The following FAM174B variants were observed in gnomAD, a reference collection of about 807,000 sequenced individuals.
FAM174B encodes membrane protein FAM174B.
A neutral mutation model predicts 10.9 loss-of-function variants in FAM174B; 12 were observed. The observed-to-expected ratio is 1.10, with a 90% confidence interval of 0.71 to 1.79. The LOEUF (loss-of-function observed/expected upper bound fraction) is 1.79, where lower values mean the gene tolerates loss of function less well. Among genes scored for constraint, FAM174B ranks in the 40% most tolerant of loss-of-function variants. The probability of loss-of-function intolerance (pLI) is 0.00; values close to 1 mark genes in which losing one functional copy is unlikely to be tolerated. For synonymous variants in FAM174B, 132 were observed against 115.8 expected (o/e 1.14, Z -0.90); for missense variants, 266 against 233.3 (o/e 1.14, Z -0.91).
intron 1 of FAM174B, among the ~76,000 whole-genome samples, chr15:92,637,268 G>A (rs531201090): frequency 5.3e-5 from 8 of 152,366 alleles, no homozygotes; most frequent in Admixed American, 2.6e-4. Flanking sequence ...CACTGGCCTT[G>A]AGGCCCAGAT....
Position 92,619,038 on chromosome 15 carries a change from A to AT in FAM174B, c.*417_*418insA. On this transcript the variant is annotated 3_prime_UTR_variant, in exon 3 of 3. Transcript: ENST00000327355. ...TAGATCCAGTAGAGAAGAATGTCGG[A>AT]AATTCTAAATACACAGTTGGACATC... 1 of 508,148 alleles carries AT rather than the reference A, an allele frequency of 2.0e-6. No homozygotes were observed. The highest frequency in any genetic ancestry group is 3.5e-6 in the Non-Finnish European group (1 of 289,492). The allele number at this position is 508,148 out of a possible 1,614,324, so 31.5% of individuals were successfully genotyped here.
In FAM174B at chr15:92,618,041, G is replaced by T. The variant is rs1026521966; in HGVS notation, c.*1415C>A. Reference sequence around the variant, plus strand: ...TCCCAACTCTTCTCAGAAAACTGAAGAACCGAAGATGGAGGTGAGTCAGGA... The same window carrying T: ...TCCCAACTCTTCTCAGAAAACTGAATAACCGAAGATGGAGGTGAGTCAGGA... On this transcript the variant is annotated 3_prime_UTR_variant, in exon 3 of 3. Coordinates refer to ENST00000327355, the MANE Select transcript of FAM174B (RefSeq NM_207446.3). The T allele has an allele frequency of 1.3e-4, 35 of 259,406 alleles. No individual in the cohort carries two copies. The highest frequency in any genetic ancestry group is 7.4e-4 in the African/African-American group (33 of 44,638). The allele number at this position is 259,406 out of a possible 1,614,324, so 16.1% of individuals were successfully genotyped here. A position where few individuals can be genotyped will look rare whatever the true frequency, so the allele number is the denominator to read the frequency against.
At chr15:92,635,437 G>A (rs558568915) in intron 1 of FAM174B, among the ~76,000 whole-genome samples, 23 of 152,254 alleles carry the variant, frequency 1.5e-4, no homozygotes, top group Admixed American at 3.3e-4. Flanking sequence ...ATCGAGACAC[G>A]TTCCCAGCTG....
At position 92,655,290 on chromosome 15, in the gene FAM174B, G is replaced by A; in HGVS notation, c.344+26C>T. 5 of 1,516,244 alleles carry A rather than the reference G, an allele frequency of 3.3e-6. No individual in the cohort carries two copies. The South Asian group carries it at 3.8e-5, about 11-fold the overall frequency. The allele number at this position is 1,516,244 out of a possible 1,614,324, so 93.9% of individuals were successfully genotyped here. On this transcript the variant is annotated intron_variant, in intron 1 of 2. Coordinates refer to ENST00000327355, the MANE Select transcript of FAM174B (RefSeq NM_207446.3). ...CGATGCCGCCCTGTCGGCCGGCGGG[G>A]GAAGGAAGAGGGCGGGAGGGCCCAC... is the stretch of plus-strand genomic sequence containing the variant.
chr15:92,620,814 CAAAAAAAAAAA>C (rs34607670), intron 2 of FAM174B, among the ~76,000 whole-genome samples: 1 of 71,388 alleles, frequency 1.4e-5, no homozygotes, highest in East Asian at 5.3e-4. Flanking sequence ...GACTCTGTCT[CAAAAAAAAAAA>C]AAAAAAAAAA....
intron 2 of FAM174B, among the ~76,000 whole-genome samples, chr15:92,620,272 A>C (rs2050710623): frequency 1.3e-5 from 2 of 152,098 alleles, no homozygotes; most frequent in Admixed American, 6.5e-5. Context: ...GCCGAGGCGG[A>C]TGGATCACAA....
chr15:92,618,043 A>C lies in FAM174B; in HGVS notation c.*1413T>G. The C allele has an allele frequency of 3.8e-6, 1 of 264,462 alleles. No individual in the cohort carries two copies. 16.4% of individuals were successfully genotyped at this position (264,462 alleles called of 1,614,324 possible). A position where few individuals can be genotyped will look rare whatever the true frequency, so the allele number is the denominator to read the frequency against. ...CCAACTCTTCTCAGAAAACTGAAGA[A>C]CCGAAGATGGAGGTGAGTCAGGAAA... is the stretch of plus-strand genomic sequence containing the variant. On this transcript the variant is annotated 3_prime_UTR_variant, in exon 3 of 3. Coordinates refer to ENST00000327355, the MANE Select transcript of FAM174B (RefSeq NM_207446.3).
intron 2 of FAM174B, among the ~76,000 whole-genome samples, chr15:92,628,727 C>T (rs2050770920): frequency 6.6e-6 from 1 of 152,092 alleles, no homozygotes; most frequent in African/African-American, 2.4e-5. Flanking sequence ...GATTCACTAA[C>T]AAACTGAGCT....
intron 1 of FAM174B, among the ~76,000 whole-genome samples, chr15:92,646,858 C>A (rs1411242783): frequency 6.6e-6 from 1 of 152,180 alleles, no homozygotes; most frequent in African/African-American, 2.4e-5. Context: ...ACTTATCCTG[C>A]CTTTCTGGAC....
At chr15:92,639,129 C>G (rs1397993750) in intron 1 of FAM174B, 1 of 152,322 alleles carries the variant, frequency 6.6e-6, no homozygotes, top group Non-Finnish European at 1.5e-5. Flanking sequence ...ATGAGCCCTT[C>G]ACACTCCAAC....
rs1186103314 is a variant in FAM174B at position 92,655,693 on chromosome 15, G to A, written c.-34C>T. 3 of 1,235,648 alleles carry A rather than the reference G, an allele frequency of 2.4e-6. No homozygotes were observed. The highest frequency in any genetic ancestry group is 3.3e-5 in the East Asian group (1 of 30,666). 76.5% of individuals were successfully genotyped at this position (1,235,648 alleles called of 1,614,324 possible). The stretch of plus-strand genomic sequence containing the variant: ...GGGTCGGCACAGGATCGGGCAGGGC[G>A]CGCGCGGCTGAGCTCCAGGATCCGC... On this transcript the variant is annotated 5_prime_UTR_variant, in exon 1 of 3. Coordinates refer to ENST00000327355, the MANE Select transcript of FAM174B (RefSeq NM_207446.3).
chr15:92,637,890 A>T (rs285759), intron 1 of FAM174B, among the ~76,000 whole-genome samples: 1 of 152,252 alleles, frequency 6.6e-6, no homozygotes, highest in South Asian at 2.1e-4. Flanking sequence ...AGGACAAAGC[A>T]CCTGGTTCTA....
At chr15:92,636,047 GAA>G (rs2050854040) in intron 1 of FAM174B, among the ~76,000 whole-genome samples, 1 of 152,176 alleles carries the variant, frequency 6.6e-6, no homozygotes, top group Non-Finnish European at 1.5e-5. Flanking sequence ...CAGAGAGAGA[GAA>G]AACGTGAGAA....
chr15:92,620,579 C>T (rs895683793), intron 2 of FAM174B, among the ~76,000 whole-genome samples: 4 of 152,126 alleles, frequency 2.6e-5, no homozygotes, highest in Admixed American at 6.5e-5. Flanking sequence ...CTGTGGGAGG[C>T]CACGGCGGGT....
At chr15:92,650,890 T>C (rs1357929704) in intron 1 of FAM174B, among the ~76,000 whole-genome samples, 3 of 152,172 alleles carry the variant, frequency 2.0e-5, no homozygotes, top group East Asian at 1.9e-4. Flanking sequence ...CTCTCACACA[T>C]GTGAAGGTAC....
intron 1 of FAM174B, among the ~76,000 whole-genome samples, chr15:92,644,775 G>C (rs1596302214): frequency 6.6e-6 from 1 of 152,248 alleles, no homozygotes; most frequent in African/African-American, 2.4e-5. Flanking sequence ...CTGTCTTCAA[G>C]TCAAAAAGGC....
At chr15:92,649,684 G>A (rs896396251) in intron 1 of FAM174B, among the ~76,000 whole-genome samples, 4 of 152,184 alleles carry the variant, frequency 2.6e-5, no homozygotes, top group South Asian at 2.1e-4. Context: ...CCTTGAAGCC[G>A]AGATTCTCGG....
At chr15:92,645,195 C>A (rs2050918266) in intron 1 of FAM174B, among the ~76,000 whole-genome samples, 1 of 152,216 alleles carries the variant, frequency 6.6e-6, no homozygotes, top group African/African-American at 2.4e-5. Flanking sequence ...AACAGTTCAA[C>A]CATGACTAAG....
In FAM174B at chr15:92,655,459, G is replaced by C. The variant is rs771060000; in HGVS notation, c.201C>G (p.Ser67Arg). Residue 67 changes from serine (S) to arginine (R), a missense_variant, in exon 1 of 3, where the codon AGC (serine) becomes AGG (arginine). By Grantham distance (110) the Ser-to-Arg change is moderately radical. Transcript: ENST00000327355. ...CGTCGCCACTGCTGTTGGAGCTGGA[G>C]CTGCCGCTGCCGCCCGCCGCCCCAG... ...FGSGAAGGSG[S>R]SSSNSSGDAL... The C allele has an allele frequency of 2.6e-6, 4 of 1,557,900 alleles. No individual in the cohort carries two copies. In the Admixed American group the frequency reaches 5.7e-5, roughly 22 times the overall value.
Sources: allele counts gnomAD v4.1 joint callset (sites outside exome capture counted in the v4.1 genomes callset), GRCh38; gene constraint gnomAD v4.1.1; transcripts MANE v1.5; gene names NCBI Gene and HGNC (gene_info 2026-07-23, HGNC 2026-07-21).